The following TAF4B variants were observed in gnomAD, a reference collection of about 807,000 sequenced individuals.
The protein encoded by TAF4B is TATA-box binding protein associated factor 4b.
A neutral mutation model predicts 86.4 loss-of-function variants in TAF4B; 38 were observed. The ratio of observed to expected loss-of-function variants is 0.44; its 90% confidence interval spans 0.34 to 0.58. The LOEUF is 0.58. Ranked by LOEUF, TAF4B falls within the 20% of genes least tolerant of loss-of-function variation. TAF4B has a pLI of 0.02. For synonymous variants in TAF4B, 388 were observed against 391.2 expected (o/e 0.99, Z 0.10); for missense variants, 988 against 1,027.6 (o/e 0.96, Z 0.53).
chr18:26,302,039 A>T (rs907629037), intron 9 of TAF4B, among the ~76,000 whole-genome samples: 1 of 152,206 alleles, frequency 6.6e-6, no homozygotes, highest in Non-Finnish European at 1.5e-5. Context: ...GATGCCTTCA[A>T]ATAAACTTAA....
At chr18:26,314,408 A>G (rs377672739) in intron 9 of TAF4B, among the ~76,000 whole-genome samples, 8 of 151,872 alleles carry the variant, frequency 5.3e-5, no homozygotes, top group Non-Finnish European at 1.2e-4. Context: ...GATAAAAACA[A>G]CTGTTTAATT....
At chr18:26,243,774 TG>T (rs2055879294) in intron 1 of TAF4B, among the ~76,000 whole-genome samples, 1 of 152,196 alleles carries the variant, frequency 6.6e-6, no homozygotes, top group African/African-American at 2.4e-5. Flanking sequence ...TTGGTGTGGG[TG>T]TCCTTTCTGT....
intron 1 of TAF4B, among the ~76,000 whole-genome samples, chr18:26,259,045 T>C (rs1156829585): frequency 6.6e-6 from 1 of 152,058 alleles, no homozygotes; most frequent in Non-Finnish European, 1.5e-5. Flanking sequence ...TTTTGAACAT[T>C]TTTACTACCA....
intron 11 of TAF4B, among the ~76,000 whole-genome samples, chr18:26,322,884 C>T (rs1045130227): frequency 1.3e-5 from 2 of 152,068 alleles, no homozygotes; most frequent in South Asian, 2.1e-4. Context: ...CTATACATTT[C>T]CCTCTGAGTA....
chr18:26,295,254 C>A, intron 9 of TAF4B: 1 of 382,192 alleles, frequency 2.6e-6, no homozygotes, highest in Non-Finnish European at 5.2e-6. Context: ...CTGTCGTGTT[C>A]TGTCATCTCT....
chr18:26,297,979 T>A (rs2056685043), intron 9 of TAF4B, among the ~76,000 whole-genome samples: 1 of 151,854 alleles, frequency 6.6e-6, no homozygotes, highest in Non-Finnish European at 1.5e-5. Context: ...GAGATTCTGT[T>A]CTAGTTGCTC....
intron 9 of TAF4B, among the ~76,000 whole-genome samples, chr18:26,301,695 GGTA>G (rs1359000436): frequency 6.6e-6 from 1 of 152,040 alleles, no homozygotes; most frequent in Non-Finnish European, 1.5e-5. Flanking sequence ...TGCTGCACTT[GGTA>G]ATATTTAATT....
chr18:26,321,843 T>C (rs2144677423), intron 11 of TAF4B, among the ~76,000 whole-genome samples: 1 of 152,260 alleles, frequency 6.6e-6, no homozygotes, highest in East Asian at 1.9e-4. Flanking sequence ...CCTCTGTTCC[T>C]TTTAATAAGT....
At chr18:26,332,811 C>T (rs1436612327) in intron 12 of TAF4B, among the ~76,000 whole-genome samples, 8 of 152,120 alleles carry the variant, frequency 5.3e-5, no homozygotes, top group Non-Finnish European at 8.8e-5. Context: ...GGATTACAGG[C>T]GTGAGCCACC....
At chr18:26,268,677 A>T (rs1176888926) in intron 3 of TAF4B, among the ~76,000 whole-genome samples, 1 of 152,120 alleles carries the variant, frequency 6.6e-6, no homozygotes, top group Non-Finnish European at 1.5e-5. Context: ...TCCATTGCGT[A>T]ATAGCAACCC....
intron 13 of TAF4B, among the ~76,000 whole-genome samples, chr18:26,346,839 G>GTGTGTGTGTATA (rs2057195059): frequency 9.8e-5 from 1 of 10,246 alleles, no homozygotes; most frequent in Non-Finnish European, 2.5e-4. Context: ...ATATATATGT[G>GTGTGTGTGTATA]TGTGTGTATA....
intron 1 of TAF4B, among the ~76,000 whole-genome samples, chr18:26,241,220 A>G (rs954012502): frequency 6.6e-6 from 1 of 151,958 alleles, no homozygotes; most frequent in Non-Finnish European, 1.5e-5. Context: ...GTCCTGGAGT[A>G]TTTTTGGTTG....
At chr18:26,260,532 A>G (rs928701300) in intron 1 of TAF4B, among the ~76,000 whole-genome samples, 1 of 152,218 alleles carries the variant, frequency 6.6e-6, no homozygotes, top group Non-Finnish European at 1.5e-5. Context: ...CATTTGTTAA[A>G]TAGGGGCTCC....
intron 9 of TAF4B, chr18:26,295,290 TA>T: frequency 3.2e-6 from 1 of 312,480 alleles, no homozygotes; most frequent in Non-Finnish European, 6.4e-6. Context: ...CATCTGCTGG[TA>T]AATTCCTCAG....
rs542924042 is a variant in TAF4B, at chr18:26,327,922, C to T, written c.2259+782C>T. ...TTATTTCCCTTCTCCCTTATTTAAA[C>T]GTTTTCTTGGGCTATTAGTGTCACA... On this transcript the variant is annotated intron_variant, in intron 12 of 14. Coordinates refer to ENST00000269142, the MANE Select transcript of TAF4B (RefSeq NM_005640.3). Among the ~76,000 whole-genome samples the T allele has an allele frequency of 7.6e-4, 116 of 152,230 alleles. 4 individuals carry two copies. The South Asian group carries it at 0.012, about 16-fold the overall frequency.
chr18:26,335,905 A>G (rs1215389472), intron 13 of TAF4B, among the ~76,000 whole-genome samples: 2 of 152,224 alleles, frequency 1.3e-5, no homozygotes, highest in Non-Finnish European at 2.9e-5. Context: ...GCCCCAGAGA[A>G]AAAAGCTCCA....
chr18:26,325,616 CTG>C (rs1335987710), intron 11 of TAF4B, among the ~76,000 whole-genome samples: 2 of 152,130 alleles, frequency 1.3e-5, no homozygotes, highest in Admixed American at 1.3e-4. Context: ...TTTAAAAAGT[CTG>C]TGACCCTTTT....
chr18:26,390,150 T>C lies in TAF4B; in HGVS notation c.*138T>C. 1.2e-6 allele frequency: 1 copy of C among 863,484 alleles called. No individual in the cohort carries two copies. The allele number at this position is 863,484 out of a possible 1,614,324, so 53.5% of individuals were successfully genotyped here. ...GCATTGTTTACAGTTAGAAACTTTA[T>C]TAACTCTTACCTATCCATCTCATGG... On this transcript the variant is annotated 3_prime_UTR_variant, in exon 15 of 15. Transcript: ENST00000269142.
chr18:26,332,018 C>T (rs10164044), intron 12 of TAF4B, among the ~76,000 whole-genome samples: 16,900 of 152,190 alleles, frequency 0.11, 968 homozygotes, highest in African/African-American at 0.14. Flanking sequence ...GCACACTGAC[C>T]TTTCTGTTCC....
Sources: gnomAD v4.1 joint callset for allele counts (sites outside exome capture counted in the v4.1 genomes callset) on GRCh38, gnomAD v4.1.1 for gene constraint, MANE v1.5 for transcripts, NCBI Gene and HGNC (gene_info 2026-07-23, HGNC 2026-07-21) for gene names.